COL24A1: variants seen among roughly 807,000 people sequenced by gnomAD.
COL24A1 encodes collagen alpha-1(XXIV) chain.
COL24A1 carries 224 observed loss-of-function variants against 253.9 expected under a neutral mutation model. The ratio of observed to expected loss-of-function variants is 0.88; its 90% CI spans 0.79 to 0.99. COL24A1 has a LOEUF of 0.99. Among genes scored for constraint, COL24A1 ranks in the 50% least tolerant of loss-of-function variants. The pLI, the probability that COL24A1 is intolerant of heterozygous loss-of-function variation, is 0.00. For synonymous variants in COL24A1, 685 were observed against 673.7 expected (o/e 1.02, Z -0.26); for missense variants, 2,131 against 2,068.5 (o/e 1.03, Z -0.59).
intron 43 of COL24A1, among the ~76,000 whole-genome samples, chr1:85,836,542 A>C (rs1188814592): frequency 6.6e-6 from 1 of 152,210 alleles, no homozygotes; most frequent in African/African-American, 2.4e-5. Flanking sequence ...CCTAATTCTA[A>C]ATAAAGCGTG....
At position 86,112,623 on chromosome 1, in the gene COL24A1, G is replaced by A; in HGVS notation, c.1546-3C>T. 6.2e-7 allele frequency: 1 copy of A among 1,612,176 alleles called. No homozygotes were observed. The highest frequency in any genetic ancestry group is 1.7e-5 in the Admixed American group (1 of 59,926). ...TTTCCATGTGGCCCTGGTATGCCCT[G>A]CAAGTAACGAAAAAAGTCATCATTC... On this transcript the variant is annotated splice_region_variant and splice_polypyrimidine_tract_variant and intron_variant, in intron 4 of 59. Transcript: ENST00000370571.
chr1:85,901,664 G>T (rs1459700546), intron 28 of COL24A1, among the ~76,000 whole-genome samples: 2 of 151,210 alleles, frequency 1.3e-5, no homozygotes, highest in Non-Finnish European at 3.0e-5. Context: ...TATAAAATTA[G>T]CTGGGCATGG....
At chr1:85,947,425 A>G (rs1349479218) in intron 24 of COL24A1, among the ~76,000 whole-genome samples, 2 of 152,168 alleles carry the variant, frequency 1.3e-5, no homozygotes, top group African/African-American at 2.4e-5. Context: ...AACCAACTAA[A>G]TTGCCTTATT....
chr1:85,807,569 T>C (rs1174639367), intron 47 of COL24A1, among the ~76,000 whole-genome samples: 1 of 152,218 alleles, frequency 6.6e-6, no homozygotes, highest in Non-Finnish European at 1.5e-5. Context: ...CATAGTGTAC[T>C]AGAATATATT....
At chr1:86,140,437 G>A (rs79466071) in intron 2 of COL24A1, among the ~76,000 whole-genome samples, 2,386 of 152,286 alleles carry the variant, frequency 0.016, 68 homozygotes, top group African/African-American at 0.055. Context: ...GAGAAATGAA[G>A]CTCTAAGCTG....
intron 10 of COL24A1, among the ~76,000 whole-genome samples, chr1:86,056,430 T>C (rs918937888): frequency 2.0e-5 from 3 of 152,204 alleles, no homozygotes; most frequent in Admixed American, 2.0e-4. Flanking sequence ...TTCTCCTACA[T>C]CACAGGGCTG....
chr1:86,025,509 T>C (rs1396064198), intron 14 of COL24A1, among the ~76,000 whole-genome samples: 1 of 152,174 alleles, frequency 6.6e-6, no homozygotes, highest in Non-Finnish European at 1.5e-5. Context: ...GTGATACACA[T>C]TGTCACTAGT....
intron 32 of COL24A1, among the ~76,000 whole-genome samples, chr1:85,879,348 GA>G (rs1185417558): frequency 6.6e-6 from 1 of 151,508 alleles, no homozygotes; most frequent in Non-Finnish European, 1.5e-5. Context: ...ATAATTTGTT[GA>G]AAAGACTATC....
At chr1:85,965,996 G>C (rs901874047) in intron 22 of COL24A1, among the ~76,000 whole-genome samples, 1 of 152,148 alleles carries the variant, frequency 6.6e-6, no homozygotes, top group African/African-American at 2.4e-5. Flanking sequence ...GAAAACTGAT[G>C]AGATCTAAGT....
At chr1:85,822,179 A>T (rs1177166399) in intron 45 of COL24A1, among the ~76,000 whole-genome samples, 3 of 152,164 alleles carry the variant, frequency 2.0e-5, no homozygotes, top group African/African-American at 7.2e-5. Context: ...AAAGTTACTG[A>T]ATAGATGCCA....
intron 10 of COL24A1, among the ~76,000 whole-genome samples, chr1:86,052,058 C>G (rs546764887): frequency 6.6e-6 from 1 of 152,122 alleles, no homozygotes; most frequent in African/African-American, 2.4e-5. Flanking sequence ...TATCACTGAT[C>G]AGACAGAGGG....
Position 85,895,867 on chromosome 1 carries a change from T to C in COL24A1, c.2913A>G (p.Gln971=). 6.2e-7 allele frequency: 1 copy of C among 1,607,766 alleles called. No individual in the cohort carries two copies. The highest frequency in any genetic ancestry group is 8.5e-7 in the Non-Finnish European group (1 of 1,178,092). Residue 971 remains glutamine (Q), a synonymous_variant, in exon 31 of 60, where the codon CAA becomes CAG. Coordinates refer to ENST00000370571, the MANE Select transcript of COL24A1 (RefSeq NM_152890.7). ...KTGNPGERGF[Q]GKPGLQGLPG... Reference sequence around the variant, plus strand: ...TTTTTAAATTACTTACTGGTTTCCCTTGAAATCCTCTTTCTCCAGGGTTTC... The same window carrying C: ...TTTTTAAATTACTTACTGGTTTCCCCTGAAATCCTCTTTCTCCAGGGTTTC...
chr1:85,854,589 T>C lies in COL24A1; in HGVS notation c.3301-5183A>G, dbSNP rs115717787. ...CCATTTTACCAATATTGATTCTTCC[T>C]ATCCATGAGCATAGAAGGTTTTTAC... On this transcript the variant is annotated intron_variant, in intron 37 of 59. Transcript: ENST00000370571. Among the ~76,000 whole-genome samples, 1,165 of 152,342 alleles carry C rather than the reference T, an allele frequency of 7.6e-3. 12 individuals are homozygous for C. Among genetic ancestry groups the C allele is most frequent in the Middle Eastern group, 0.027 (8 of 294 alleles).
intron 53 of COL24A1, 96 bp from the exon 54 acceptor site, chr1:85,761,662 G>T: frequency 8.4e-7 from 1 of 1,197,156 alleles, no homozygotes; most frequent in African/African-American, 1.5e-5. Flanking sequence ...ACTGCCTTTC[G>T]TGCCAGGCAA....
At chr1:86,004,796 A>G (rs1695778308) in intron 19 of COL24A1, among the ~76,000 whole-genome samples, 1 of 152,220 alleles carries the variant, frequency 6.6e-6, no homozygotes, top group South Asian at 2.1e-4. Flanking sequence ...ACTAAAAATT[A>G]TGACTGCTAC....
In COL24A1 at chr1:86,112,586, G is replaced by A. The variant is rs1705721431; in HGVS notation, c.1580C>T (p.Pro527Leu). ...ACTTACCTTTGGACCAGGTAATCCAGGTAAACCAGGATTTCCATGTGGCCC... is the reference window on the plus strand; with the variant it reads ...ACTTACCTTTGGACCAGGTAATCCAAGTAAACCAGGATTTCCATGTGGCCC... ...IPGPHGNPGL[P>L]GLPGPKGPKG... The change falls in exon 5 of 60, where the codon CCT becomes CTT. Residue 527 changes from proline to leucine, a missense_variant. By Grantham distance (98) the Pro-to-Leu change is moderately conservative. Coordinates refer to ENST00000370571, the MANE Select transcript of COL24A1 (RefSeq NM_152890.7). The A allele has an allele frequency of 1.9e-6, 3 of 1,612,968 alleles. No homozygotes were observed. The highest frequency in any genetic ancestry group is 1.1e-5 in the South Asian group (1 of 90,832).
At chr1:86,003,373 C>T (rs1022698685) in intron 19 of COL24A1, among the ~76,000 whole-genome samples, 8 of 152,078 alleles carry the variant, frequency 5.3e-5, no homozygotes, top group African/African-American at 1.7e-4. Context: ...CAAGTGGGAC[C>T]GGGGGAACAA....
At chr1:86,048,741 C>T (rs539449671) in intron 11 of COL24A1, among the ~76,000 whole-genome samples, 4 of 152,134 alleles carry the variant, frequency 2.6e-5, no homozygotes, top group Non-Finnish European at 5.9e-5. Flanking sequence ...CCACCCGCCT[C>T]GGCCTCCCAA....
intron 46 of COL24A1, among the ~76,000 whole-genome samples, chr1:85,817,298 T>C (rs369487544): frequency 3.3e-5 from 5 of 152,216 alleles, no homozygotes; most frequent in East Asian, 3.8e-4. Flanking sequence ...TCCCAAGAAA[T>C]AAATTATGGC....
Sources: allele counts gnomAD v4.1 joint callset (sites outside exome capture counted in the v4.1 genomes callset), GRCh38; gene constraint gnomAD v4.1.1; transcripts MANE v1.5; gene names NCBI Gene and HGNC (gene_info 2026-07-23, HGNC 2026-07-21).